The following ZFYVE26 variants were observed in gnomAD, a reference collection of about 807,000 sequenced individuals.
ZFYVE26 encodes zinc finger FYVE domain-containing protein 26.
ZFYVE26 carries 181 observed loss-of-function variants against 276.5 expected under a neutral mutation model. That is an observed-to-expected ratio of 0.65 (90% CI 0.58 to 0.74). ZFYVE26 has a LOEUF of 0.74. Ranked by LOEUF, ZFYVE26 falls within the 30% of genes least tolerant of loss-of-function variation. The pLI is 0.00. For missense variants in ZFYVE26, 2,821 were observed against 3,097.9 expected (o/e 0.91, Z 2.12); for synonymous variants, 1,129 against 1,203.1 (o/e 0.94, Z 1.27).
rs1346140841 is a variant in ZFYVE26, at chr14:67,809,184, C to T, written c.363+16G>A. Reference sequence around the variant, plus strand: ...ACTGTCAACCCTGGGCAGATGGTACCAGGGCTCTCTCTCACCTCGAGGATG... The same window carrying T: ...ACTGTCAACCCTGGGCAGATGGTACTAGGGCTCTCTCTCACCTCGAGGATG... On this transcript the variant is annotated intron_variant, in intron 4 of 41. Transcript: ENST00000347230. The T allele has an allele frequency of 1.2e-6, 2 of 1,610,068 alleles. No individual in the cohort carries two copies. Among genetic ancestry groups the T allele is most frequent in the African/African-American group, 1.3e-5 (1 of 74,834 alleles).
rs2039152068 is a variant in ZFYVE26 at position 67,769,621 on chromosome 14, TCA to T, written c.5592_5593del (p.Cys1864Ter). On this transcript the variant is annotated stop_gained and frameshift_variant, in exon 29 of 42. Transcript: ENST00000347230. LOFTEE classifies it high-confidence loss of function. The stretch of plus-strand genomic sequence containing the variant: ...TTTGTTGCAGTAACTATAGCACTGA[TCA>T]CACACACGAGCAGGGTTCTCTCTGC... The T allele has an allele frequency of 6.2e-7, 1 of 1,613,972 alleles. No homozygotes were observed. Among genetic ancestry groups the T allele is most frequent in the Non-Finnish European group, 8.5e-7 (1 of 1,179,884 alleles).
chr14:67,778,132 A>G lies in ZFYVE26; in HGVS notation c.4791T>C (p.Ala1597=), dbSNP rs1320545650. ...HLLERRDHDK[A]LQLLRRIPDP... ...GAAAGAACTGGGGGCTTACTTGCAG[A>G]GCCTTGTCATGATCTCTTCTTTCTA... The change falls in exon 24 of 42, where the codon GCT becomes GCC. Residue 1597 remains alanine (A), a synonymous_variant. Transcript: ENST00000347230. 1.9e-6 allele frequency: 3 copies of G among 1,614,052 alleles called. No homozygotes were observed. Among genetic ancestry groups the G allele is most frequent in the East Asian group, 4.5e-5 (2 of 44,900 alleles).
rs1198196965 is a variant in ZFYVE26, at chr14:67,747,307, C to T, written c.*1129G>A. The T allele has an allele frequency of 6.6e-6, 1 of 152,132 alleles. No individual in the cohort carries two copies. Among genetic ancestry groups the T allele is most frequent in the Non-Finnish European group, 1.5e-5 (1 of 68,054 alleles). The allele number at this position is 152,132 out of a possible 1,614,324, so 9.4% of individuals were successfully genotyped here. ...ATTATTCCCTCATTCTGACTCTGTC[C>T]AGAGGCCCAATTCCAAAGCCAACCC... On this transcript the variant is annotated 3_prime_UTR_variant, in exon 42 of 42. Transcript: ENST00000347230.
At position 67,793,710 on chromosome 14, in the gene ZFYVE26, C is replaced by A. The variant is rs774054118; in HGVS notation, c.2451G>T (p.Leu817Phe). 1 of 1,613,890 alleles carries A rather than the reference C, an allele frequency of 6.2e-7. No homozygotes were observed. Among genetic ancestry groups the A allele is most frequent in the South Asian group, 1.1e-5 (1 of 91,062 alleles). Reference sequence around the variant, plus strand: ...TGAGTGAACTTTGAGGATGGGGGTGCAATCTACTGTGCAGCTCATTCCGGC... The same window carrying A: ...TGAGTGAACTTTGAGGATGGGGGTGAAATCTACTGTGCAGCTCATTCCGGC... ...MSGRNELHSR[L>F]HPHPQSSLIP... Residue 817 changes from leucine (L) to phenylalanine (F), a missense_variant, in exon 14 of 42, where the codon TTG becomes TTT. Coordinates refer to ENST00000347230, the MANE Select transcript of ZFYVE26 (RefSeq NM_015346.4).
At chr14:67,750,746 G>GCTCC in intron 41 of ZFYVE26, 1 of 446,440 alleles carries the variant, frequency 2.2e-6, no homozygotes, top group Non-Finnish European at 4.2e-6. Context: ...TGAGGTGAGG[G>GCTCC]ATTTCCTAGG....
chr14:67,743,370 AGCCTCAGCTACTCAGGAG>A (rs2140171405), downstream of ZFYVE26, among the ~76,000 whole-genome samples: 1 of 152,168 alleles, frequency 6.6e-6, no homozygotes, highest in South Asian at 2.1e-4. Flanking sequence ...GCACACCTGT[AGCCTCAGCTACTCAGGAG>A]GCTGAGGTGG....
chr14:67,790,480 C>A, intron 15 of ZFYVE26, 92 bp downstream of exon 15: 1 of 1,378,156 alleles, frequency 7.3e-7, no homozygotes, highest in Admixed American at 1.7e-5. Flanking sequence ...TCTGCTCACC[C>A]TCATGAGGAG....
rs752693745 is a variant in ZFYVE26, at chr14:67,802,207, A to C, written c.1511T>G (p.Met504Arg). 1.2e-6 allele frequency: 2 copies of C among 1,614,114 alleles called. No homozygotes were observed. The highest frequency in any genetic ancestry group is 1.1e-5 in the South Asian group (1 of 91,080). The change falls in exon 10 of 42, where the codon ATG (methionine) becomes AGG (arginine). Residue 504 changes from methionine (M) to arginine (R), a missense_variant. Physicochemically the swap from Met to Arg is moderately conservative, Grantham distance 91 (BLOSUM62 -1). Transcript: ENST00000347230. Reference sequence around the variant, plus strand: ...ACAGAGGGCATAGATGGCATACTTCATGGCACAGAAGCCCTGGTAGAGTGT... The same window carrying C: ...ACAGAGGGCATAGATGGCATACTTCCTGGCACAGAAGCCCTGGTAGAGTGT... ...NLTLYQGFCA[M>R]KYAIYALCVN...
chr14:67,804,061 TA>T (rs2040129216), intron 9 of ZFYVE26, 39 bp downstream of exon 9: 1 of 1,612,032 alleles, frequency 6.2e-7, no homozygotes, highest in African/African-American at 1.3e-5. Flanking sequence ...AAGAATGTCC[TA>T]AGAGGAAATC....
rs756697102 is a variant in ZFYVE26, at chr14:67,785,290, T to A, written c.3305-13A>T. On this transcript the variant is annotated splice_polypyrimidine_tract_variant and intron_variant, in intron 18 of 41. Transcript: ENST00000347230. ...GGAGTCCTGGGCTCTGAGAGGAGGATGGCAGGAGAAAGGACACAGGCTTCA... is the reference window on the plus strand; with the variant it reads ...GGAGTCCTGGGCTCTGAGAGGAGGAAGGCAGGAGAAAGGACACAGGCTTCA... The A allele has an allele frequency of 6.3e-7, 1 of 1,582,590 alleles. No individual in the cohort carries two copies. The highest frequency in any genetic ancestry group is 1.1e-5 in the South Asian group (1 of 88,106).
At chr14:67,786,738 C>T (rs543503542) in intron 16 of ZFYVE26, among the ~76,000 whole-genome samples, 3 of 152,268 alleles carry the variant, frequency 2.0e-5, no homozygotes, top group African/African-American at 7.2e-5. Flanking sequence ...ATTTGCACTC[C>T]CATGTTTCTT....
At position 67,811,501 on chromosome 14, in the gene ZFYVE26, C is replaced by T. The variant is rs554315372; in HGVS notation, c.274-2212G>A. 2.4e-4 allele frequency among the ~76,000 whole-genome samples: 37 copies of T among 152,170 alleles called. No individual in the cohort carries two copies. In the East Asian group the frequency reaches 6.9e-3, roughly 29 times the overall value. On this transcript the variant is annotated intron_variant, in intron 3 of 41. Coordinates refer to ENST00000347230, the MANE Select transcript of ZFYVE26 (RefSeq NM_015346.4). ...CTGGGCTAAAAAAGTAGTGTTAAGG[C>T]AGAAAAAGCAGAGGATTGAGGTCAG...
intron 12 of ZFYVE26, chr14:67,796,391 A>T (rs1410902326): frequency 6.6e-6 from 1 of 151,848 alleles, no homozygotes; most frequent in African/African-American, 2.4e-5. Context: ...TTTTTAGTAG[A>T]GACAGGGTTT....
At position 67,767,658 on chromosome 14, in the gene ZFYVE26, A is replaced by G. The variant is rs192934914; in HGVS notation, c.5790+46T>C. ...TCTGTATTTCTTGTCATACTGCTAC[A>G]CATCATAAAGAAACTTAAGTGACCA... On this transcript the variant is annotated intron_variant, in intron 31 of 41. Coordinates refer to ENST00000347230, the MANE Select transcript of ZFYVE26 (RefSeq NM_015346.4). 494 of 1,613,686 alleles carry G rather than the reference A, an allele frequency of 3.1e-4. 1 individual carries two copies. In the Middle Eastern group the frequency reaches 3.5e-3, roughly 11 times the overall value.
rs1376004869 is a variant in ZFYVE26 at position 67,755,044 on chromosome 14, C to T, written c.6986+7G>A. Reference sequence around the variant, plus strand: ...CCACACCAATAGTCCCCTGAACCTCCAGCTACCTTGACACATCAGCTGCAG... The same window carrying T: ...CCACACCAATAGTCCCCTGAACCTCTAGCTACCTTGACACATCAGCTGCAG... On this transcript the variant is annotated splice_region_variant and intron_variant, in intron 37 of 41. Coordinates refer to ENST00000347230, the MANE Select transcript of ZFYVE26 (RefSeq NM_015346.4). 3 of 1,613,534 alleles carry T rather than the reference C, an allele frequency of 1.9e-6. No homozygotes were observed. The African/African-American group carries it at 4.0e-5, about 22-fold the overall frequency.
Position 67,786,015 on chromosome 14 carries a change from C to A in ZFYVE26, c.3147G>T (p.Val1049=), listed in dbSNP as rs1378840291. 6.2e-7 allele frequency: 1 copy of A among 1,614,184 alleles called. No individual in the cohort carries two copies. Among genetic ancestry groups the A allele is most frequent in the South Asian group, 1.1e-5 (1 of 91,082 alleles). ...GTGGAGGGCCTCCTCCCTTTTCTTC[C>A]ACACTCTCTATGGAAAGCAAATGAG... ...MSASQTKSES[V]EEKGGGPPRC... Residue 1049 remains valine (V), a synonymous_variant, in exon 18 of 42, where the codon GTG becomes GTT. Transcript: ENST00000347230.
Position 67,752,458 on chromosome 14 carries a change from G to A in ZFYVE26, c.7257C>T (p.Tyr2419=), listed in dbSNP as rs2038674088. Residue 2419 remains tyrosine, a synonymous_variant, in exon 40 of 42, where the codon TAC becomes TAT. Transcript: ENST00000347230. ...AARQLVEKEK[Y]SEIQQLLKCV... ...ATTTGAGCAGTTGCTGGATCTCACTGTACTTCTCTTTCTCCACCAACTGGC... is the reference window on the plus strand; with the variant it reads ...ATTTGAGCAGTTGCTGGATCTCACTATACTTCTCTTTCTCCACCAACTGGC... 3.1e-6 allele frequency: 5 copies of A among 1,614,134 alleles called. No homozygotes were observed. Among genetic ancestry groups the A allele is most frequent in the Middle Eastern group, 1.7e-4 (1 of 6,058 alleles).
chr14:67,804,316 G>A (rs72723189), intron 8 of ZFYVE26, 52 bp from the exon 9 acceptor site: 20 of 1,595,076 alleles, frequency 1.3e-5, no homozygotes, highest in Admixed American at 8.4e-5. Context: ...ATTATTGCTC[G>A]AAGAAAGATC....
At chr14:67,738,517 CGT>C (rs1016500558) in intron 13 of ZFYVE26, among the ~76,000 whole-genome samples, 22 of 150,568 alleles carry the variant, frequency 1.5e-4, no homozygotes, top group Admixed American at 4.6e-4. Context: ...TAATTATACA[CGT>C]ATATACTTGG....
Sources: gnomAD v4.1 joint callset for allele counts (sites outside exome capture counted in the v4.1 genomes callset) on GRCh38, gnomAD v4.1.1 for gene constraint, MANE v1.5 for transcripts, NCBI Gene and HGNC (gene_info 2026-07-23, HGNC 2026-07-21) for gene names.